Variants in MCF2L2 observed in about 807,000 individuals in gnomAD.
MCF2L2 encodes probable guanine nucleotide exchange factor MCF2L2.
Under a neutral mutation model 150.2 loss-of-function variants are expected in MCF2L2, and 102 were observed. The observed-to-expected ratio is 0.68, with a 90% CI of 0.58 to 0.80. The LOEUF (loss-of-function observed/expected upper bound fraction) is 0.80, where lower values mean the gene tolerates loss of function less well. Among genes scored for constraint, MCF2L2 ranks in the 30% least tolerant of loss-of-function variants. MCF2L2 has a pLI of 0.00. For synonymous variants in MCF2L2, 465 were observed against 491.3 expected (o/e 0.95, Z 0.71); for missense variants, 1,256 against 1,372.8 (o/e 0.91, Z 1.34).
chr3:183,180,027 G>A (rs767207360), intron 28 of MCF2L2, 44 bp downstream of exon 28: 1 of 1,447,850 alleles, frequency 6.9e-7, no homozygotes, highest in East Asian at 2.3e-5. Context: ...CTGATGAATA[G>A]GAAGGAGGGA....
chr3:183,389,822 A>C (rs751411824), intron 1 of MCF2L2, 43 bp from the exon 2 acceptor site: 150 of 1,462,292 alleles, frequency 1.0e-4, no homozygotes, highest in Non-Finnish European at 1.4e-4. Context: ...AACATGTGCA[A>C]ATTACAAGAA....
intron 15 of MCF2L2, chr3:183,265,619 G>A (rs1726032630): frequency 6.6e-6 from 1 of 152,276 alleles, no homozygotes; most frequent in African/African-American, 2.4e-5. Flanking sequence ...GGAGGGCAGT[G>A]CTTTTGATTT....
chr3:183,258,451 C>T (rs1308841634), intron 15 of MCF2L2: 1 of 152,420 alleles, frequency 6.6e-6, no homozygotes, highest in African/African-American at 2.4e-5. Context: ...TCCTTTCCTC[C>T]CCAAACCCAC....
intron 14 of MCF2L2, among the ~76,000 whole-genome samples, chr3:183,282,236 T>C (rs1727533631): frequency 1.3e-5 from 2 of 152,024 alleles, no homozygotes; most frequent in Admixed American, 6.6e-5. Flanking sequence ...TGTGGTACAG[T>C]GGTGCAATCT....
intron 1 of MCF2L2, among the ~76,000 whole-genome samples, chr3:183,415,586 G>A (rs1458143517): frequency 1.3e-5 from 2 of 152,128 alleles, no homozygotes; most frequent in Non-Finnish European, 2.9e-5. Context: ...ATATCTTGGT[G>A]ATAGATTAAG....
chr3:183,402,346 C>T (rs1316568803), intron 1 of MCF2L2, among the ~76,000 whole-genome samples: 4 of 148,048 alleles, frequency 2.7e-5, no homozygotes, highest in South Asian at 2.2e-4. Context: ...CCCAGCTACT[C>T]GGGAGGTTGA....
intron 6 of MCF2L2, among the ~76,000 whole-genome samples, chr3:183,322,729 G>A (rs1471743481): frequency 6.6e-6 from 1 of 152,156 alleles, no homozygotes; most frequent in Non-Finnish European, 1.5e-5. Flanking sequence ...AGTTGATCCT[G>A]TCACCCAGGT....
rs1201666360 is a variant in MCF2L2 at position 183,178,519 on chromosome 3, C to T, written c.*861G>A. 1.3e-5 allele frequency: 2 copies of T among 149,174 alleles called. No homozygotes were observed. Among genetic ancestry groups the T allele is most frequent in the Admixed American group, 6.6e-5 (1 of 15,150 alleles). 9.2% of individuals were successfully genotyped at this position (149,174 alleles called of 1,614,324 possible). On this transcript the variant is annotated 3_prime_UTR_variant, in exon 30 of 30. Transcript: ENST00000328913. ...TAAATTCCAAGCAAATTAATTTGAACATCTGTAACTCCTAAAACAAAACAA... is the reference window on the plus strand; with the variant it reads ...TAAATTCCAAGCAAATTAATTTGAATATCTGTAACTCCTAAAACAAAACAA...
chr3:183,217,331 G>T (rs1450485891), intron 21 of MCF2L2, among the ~76,000 whole-genome samples: 1 of 150,108 alleles, frequency 6.7e-6, no homozygotes, highest in Non-Finnish European at 1.5e-5. Flanking sequence ...AAGTAGCTGG[G>T]TGTGGTGGTG....
In MCF2L2 at chr3:183,300,166, G is replaced by A. The variant is rs1429639662; in HGVS notation, c.1144C>T (p.Leu382=). ...EPLEKAQLLA[L]VGDQLIQSHH... The stretch of plus-strand genomic sequence containing the variant: ...CTTTGGATGAGCTGGTCCCCAACCA[G>A]TGCCAGCAGCTGGGCCTTTTCCAGG... The change falls in exon 11 of 30, where the codon CTG becomes TTG. Residue 382 remains leucine (L), a synonymous_variant. Transcript: ENST00000328913. 4 of 1,609,350 alleles carry A rather than the reference G, an allele frequency of 2.5e-6. No individual in the cohort carries two copies. The highest frequency in any genetic ancestry group is 3.4e-6 in the Non-Finnish European group (4 of 1,178,968).
Position 183,179,477 on chromosome 3 carries a change from C to T in MCF2L2, c.3248G>A (p.Arg1083His). The T allele has an allele frequency of 1.9e-6, 3 of 1,604,896 alleles. No homozygotes were observed. Among genetic ancestry groups the T allele is most frequent in the Non-Finnish European group, 2.6e-6 (3 of 1,175,166 alleles). ...CAGCCGGCCCGTGGACGCCCCAGCG[C>T]GCTCCTCCTCGGTGCTGCGGGTCGC... ...ETATRSTEEE[R>H]AGASTGRLAP... The change falls in exon 30 of 30, where the codon CGC (arginine) becomes CAC (histidine). Residue 1083 changes from arginine to histidine, a missense_variant. Physicochemically the swap from Arg to His is conservative, Grantham distance 29. Transcript: ENST00000328913. The surrounding 1 kb of genome is among the most constrained non-coding windows in gnomAD (Gnocchi z 4.2).
At chr3:183,195,630 G>C (rs1296228239) in intron 25 of MCF2L2, among the ~76,000 whole-genome samples, 1 of 152,154 alleles carries the variant, frequency 6.6e-6, no homozygotes, top group Non-Finnish European at 1.5e-5. Context: ...AAAATCATGA[G>C]TCCCTGGGAG....
intron 1 of MCF2L2, among the ~76,000 whole-genome samples, chr3:183,394,432 G>A (rs16857430): frequency 0.38 from 57,747 of 152,070 alleles, 12,268 homozygotes; most frequent in African/African-American, 0.58. Flanking sequence ...CAACCAGACT[G>A]GACTTGACCA....
intron 5 of MCF2L2, among the ~76,000 whole-genome samples, chr3:183,331,992 C>T (rs543319812): frequency 9.9e-5 from 15 of 152,272 alleles, no homozygotes; most frequent in African/African-American, 3.1e-4. Context: ...ACCAGTCACA[C>T]AAAATAAACT....
intron 2 of MCF2L2, among the ~76,000 whole-genome samples, chr3:183,383,434 G>A (rs1435937242): frequency 3.9e-5 from 6 of 151,994 alleles, no homozygotes; most frequent in African/African-American, 9.7e-5. Flanking sequence ...GGGTTTCTCC[G>A]TGTTGGTCAG....
At chr3:183,342,208 C>T (rs1509008) in intron 3 of MCF2L2, among the ~76,000 whole-genome samples, 1,984 of 152,304 alleles carry the variant, frequency 0.013, 50 homozygotes, top group South Asian at 0.09. Flanking sequence ...CAAGTCCTCA[C>T]GAAATTCTCA....
At chr3:183,303,477 A>T (rs1451092066) in intron 10 of MCF2L2, among the ~76,000 whole-genome samples, 1 of 152,192 alleles carries the variant, frequency 6.6e-6, no homozygotes, top group African/African-American at 2.4e-5. Context: ...TGTTTACAGT[A>T]ACACAAGGAG....
chr3:183,335,888 G>C (rs1560027457), intron 5 of MCF2L2, among the ~76,000 whole-genome samples: 1 of 151,988 alleles, frequency 6.6e-6, no homozygotes, highest in Non-Finnish European at 1.5e-5. Flanking sequence ...AAAACATAAA[G>C]GGCTTGAGGG....
chr3:183,256,342 G>T (rs529939159), intron 15 of MCF2L2, among the ~76,000 whole-genome samples: 1 of 152,236 alleles, frequency 6.6e-6, no homozygotes, highest in South Asian at 2.1e-4. Context: ...TTTCCTTACG[G>T]TATGCAATAT....
Sources: allele counts gnomAD v4.1 joint callset (sites outside exome capture counted in the v4.1 genomes callset), GRCh38; gene constraint gnomAD v4.1.1; non-coding constraint Gnocchi (gnomAD v3.1); transcripts MANE v1.5; gene names NCBI Gene and HGNC (gene_info 2026-07-23, HGNC 2026-07-21).